Variants in CDH12 observed in about 807,000 individuals in gnomAD.
CDH12 encodes the protein cadherin-12.
Under a neutral mutation model 74.1 loss-of-function variants are expected in CDH12, and 41 were observed. That is an observed-to-expected ratio of 0.55 (90% CI 0.43 to 0.72). The LOEUF is 0.72. CDH12 is among the 30% of genes least tolerant of loss of function. CDH12 has a pLI of 0.00. For synonymous variants in CDH12, 399 were observed against 355.0 expected, an observed-to-expected ratio of 1.12 and a Z score of -1.39; for missense variants, 945 against 977.2, an observed-to-expected ratio of 0.97 and a Z score of 0.44.
chr5:22,642,215 A>G (rs1739188332), intron 1 of CDH12, among the ~76,000 whole-genome samples: 1 of 152,232 alleles, frequency 6.6e-6, no homozygotes, highest in Non-Finnish European at 1.5e-5. Context: ...ATATATGAAA[A>G]TTATGTAAGT....
At chr5:22,050,963 A>G (rs534596605) in intron 5 of CDH12, among the ~76,000 whole-genome samples, 2 of 152,288 alleles carry the variant, frequency 1.3e-5, no homozygotes, top group East Asian at 3.9e-4. Flanking sequence ...AATCTGATTC[A>G]CAAGGATCTC....
At chr5:22,847,675 A>T (rs1272917382) in intron 1 of CDH12, among the ~76,000 whole-genome samples, 1 of 152,076 alleles carries the variant, frequency 6.6e-6, no homozygotes, top group African/African-American at 2.4e-5. Context: ...TCCTTTTTTG[A>T]ATAAACATTG....
chr5:22,475,752 A>C (rs2126613489), intron 2 of CDH12, among the ~76,000 whole-genome samples: 1 of 152,204 alleles, frequency 6.6e-6, no homozygotes, highest in African/African-American at 2.4e-5. Context: ...CATATATTAT[A>C]GTTGAAAAGA....
At chr5:22,397,090 A>T (rs1742491031) in intron 3 of CDH12, among the ~76,000 whole-genome samples, 1 of 152,110 alleles carries the variant, frequency 6.6e-6, no homozygotes. Context: ...ACCTCCTAAA[A>T]AGACAATATC....
At chr5:22,685,511 C>T (rs970927230) in intron 1 of CDH12, among the ~76,000 whole-genome samples, 2 of 152,226 alleles carry the variant, frequency 1.3e-5, no homozygotes, top group Non-Finnish European at 2.9e-5. Flanking sequence ...GCTGGGATTA[C>T]AGGCGTGAGT....
chr5:22,288,771 T>G (rs1430455239), intron 3 of CDH12, among the ~76,000 whole-genome samples: 1 of 152,192 alleles, frequency 6.6e-6, no homozygotes, highest in Non-Finnish European at 1.5e-5. Context: ...TAAACAAGTA[T>G]GTAAACATAA....
At chr5:22,263,305 C>G (rs1753589647) in intron 3 of CDH12, among the ~76,000 whole-genome samples, 1 of 151,770 alleles carries the variant, frequency 6.6e-6, no homozygotes, top group South Asian at 2.1e-4. Context: ...TGAATCCACA[C>G]TAATGATTTT....
chr5:22,236,135 G>A (rs1331228976), intron 3 of CDH12, among the ~76,000 whole-genome samples: 2 of 152,228 alleles, frequency 1.3e-5, no homozygotes, highest in African/African-American at 2.4e-5. Context: ...TGTGTGAGTA[G>A]TGTGTGAGCA....
At chr5:22,453,374 T>C (rs1007241090) in intron 2 of CDH12, among the ~76,000 whole-genome samples, 2 of 152,172 alleles carry the variant, frequency 1.3e-5, no homozygotes, top group Non-Finnish European at 2.9e-5. Context: ...ACATGTTGTA[T>C]GTATACGCAC....
intron 5 of CDH12, 146 bp from the exon 6 acceptor site, chr5:21,975,531 G>C: frequency 1.7e-6 from 1 of 601,150 alleles, no homozygotes; most frequent in Admixed American, 3.5e-5. Context: ...TTATGGTTCT[G>C]TTTTCTCGTT....
At chr5:22,036,935 TAAG>T (rs1175201081) in intron 5 of CDH12, among the ~76,000 whole-genome samples, 1 of 152,198 alleles carries the variant, frequency 6.6e-6, no homozygotes, top group Admixed American at 6.5e-5. Context: ...ATATTGATCT[TAAG>T]AAGTATGGAA....
intron 5 of CDH12, among the ~76,000 whole-genome samples, chr5:22,041,129 T>G (rs775132333): frequency 6.6e-6 from 1 of 152,078 alleles, no homozygotes; most frequent in Non-Finnish European, 1.5e-5. Flanking sequence ...TAGTCTATTT[T>G]AACTTTAAGA....
At chr5:22,763,915 CT>C (rs1686185348) in intron 1 of CDH12, among the ~76,000 whole-genome samples, 1 of 151,792 alleles carries the variant, frequency 6.6e-6, no homozygotes, top group Non-Finnish European at 1.5e-5. Context: ...ATCAGTTCCC[CT>C]ATGCAGTAAT....
intron 4 of CDH12, among the ~76,000 whole-genome samples, chr5:22,187,687 C>G (rs950417630): frequency 1.3e-5 from 2 of 149,494 alleles, no homozygotes; most frequent in Non-Finnish European, 3.0e-5. Flanking sequence ...GAAAAAACTA[C>G]ATTTAGCAAC....
At position 22,584,089 on chromosome 5, in the gene CDH12, T is replaced by TATTTATTTATTTATTC. The variant is rs1740246823; in HGVS notation, c.-522-78726_-522-78725insGAATAAATAAATAAAT. Reference sequence around the variant, plus strand: ...ATCTATATTGTTTGCGGAATTTATTTATTTATTTATTTATTTATTTATTAT... The same window carrying TATTTATTTATTTATTC: ...ATCTATATTGTTTGCGGAATTTATTTATTTATTTATTTATTCATTTATTTATTTATTTATTTATTAT... On this transcript the variant is annotated intron_variant, in intron 1 of 14. Transcript: ENST00000382254. Among the ~76,000 whole-genome samples the TATTTATTTATTTATTC allele has an allele frequency of 2.6e-5, 4 of 151,060 alleles. No individual in the cohort carries two copies. The Admixed American group carries it at 2.7e-4, about 10-fold the overall frequency.
intron 7 of CDH12, among the ~76,000 whole-genome samples, chr5:21,843,600 C>T (rs183345624): frequency 1.1e-4 from 16 of 151,692 alleles, no homozygotes; most frequent in East Asian, 5.9e-4. Context: ...CTGCAATCTC[C>T]GCCTCCCGGG....
chr5:21,855,047 C>T (rs1047098466), intron 6 of CDH12, among the ~76,000 whole-genome samples: 10 of 151,652 alleles, frequency 6.6e-5, no homozygotes, highest in African/African-American at 2.4e-4. Context: ...AAATGAAAGT[C>T]ATCATGATAC....
intron 1 of CDH12, among the ~76,000 whole-genome samples, chr5:22,823,697 T>G (rs563295440): frequency 6.6e-6 from 1 of 152,138 alleles, no homozygotes; most frequent in East Asian, 1.9e-4. Context: ...ATGGGGGCAG[T>G]TTCCCCCATG....
At chr5:22,676,325 T>C (rs915473535) in intron 1 of CDH12, among the ~76,000 whole-genome samples, 1 of 152,186 alleles carries the variant, frequency 6.6e-6, no homozygotes, top group African/African-American at 2.4e-5. Flanking sequence ...TATCCTGTCA[T>C]GAATTTTGCT....
Sources: gnomAD v4.1 joint callset for allele counts (sites outside exome capture counted in the v4.1 genomes callset) on GRCh38, gnomAD v4.1.1 for gene constraint, MANE v1.5 for transcripts, NCBI Gene and HGNC (gene_info 2026-07-23, HGNC 2026-07-21) for gene names.